Variants in R3HDM2 observed in about 807,000 individuals in gnomAD.
The protein encoded by R3HDM2 is R3H domain-containing protein 2.
In R3HDM2, 38 loss-of-function variants were observed where a neutral mutation model predicts 124.5. The ratio of observed to expected loss-of-function variants is 0.31; its 90% confidence interval spans 0.24 to 0.40. The LOEUF is 0.40. Among genes scored for constraint, R3HDM2 ranks in the 10% least tolerant of loss-of-function variants. The pLI, the probability that R3HDM2 is intolerant of heterozygous loss-of-function variation, is 1.00. For missense variants in R3HDM2, 869 were observed against 1,236.9 expected, an observed-to-expected ratio of 0.70 and a Z score of 4.46; for synonymous variants, 391 against 448.0, an observed-to-expected ratio of 0.87 and a Z score of 1.61.
At chr12:57,397,396 A>T in intron 1 of R3HDM2, among the ~76,000 whole-genome samples, 1 of 152,206 alleles carries the variant, frequency 6.6e-6, no homozygotes, top group East Asian at 1.9e-4. Flanking sequence ...GTTCTATGCT[A>T]AAGTGAGAAT....
chr12:57,427,879 G>A (rs2139724192), intron 1 of R3HDM2, among the ~76,000 whole-genome samples: 1 of 152,076 alleles, frequency 6.6e-6, no homozygotes, highest in South Asian at 2.1e-4. Context: ...ACTTTGGGAG[G>A]TGGAGGTGGG....
At chr12:57,376,726 G>C (rs934321922) in intron 2 of R3HDM2, among the ~76,000 whole-genome samples, 8 of 152,040 alleles carry the variant, frequency 5.3e-5, no homozygotes, top group African/African-American at 9.7e-5. Flanking sequence ...GAGGCAGGCG[G>C]ATCACCTGAG....
chr12:57,284,054 C>T lies in R3HDM2; in HGVS notation c.941G>A (p.Gly314Glu). 1.3e-6 allele frequency: 2 copies of T among 1,592,416 alleles called. No homozygotes were observed. The highest frequency in any genetic ancestry group is 1.7e-6 in the Non-Finnish European group (2 of 1,169,642). ...GQNGYLNDIRGNREGLSRTSS... is the reference protein window; with the variant it reads ...GQNGYLNDIRENREGLSRTSS... ...GGTGCGGCTCAGTCCTTCACGGTTC[C>T]CCCTGCAGAGACCATAGTGGTCAGA... The change falls in exon 13 of 24, where the codon GGG becomes GAG. Residue 314 changes from glycine to glutamate, a missense_variant and splice_region_variant. By Grantham distance (98) the Gly-to-Glu change is moderately conservative. Coordinates refer to ENST00000402412, the MANE Select transcript of R3HDM2 (RefSeq NM_001394031.1).
At chr12:57,292,475 A>C (rs1011394009) in intron 11 of R3HDM2, 97 bp downstream of exon 11, 11 of 852,038 alleles carry the variant, frequency 1.3e-5, no homozygotes, top group African/African-American at 5.1e-5. Context: ...ACAAACAAAC[A>C]AACCCAAAAA....
intron 2 of R3HDM2, among the ~76,000 whole-genome samples, chr12:57,337,643 T>G (rs1593503840): frequency 6.6e-6 from 1 of 152,134 alleles, no homozygotes. Context: ...CCCGAAACAT[T>G]GCACTCTAGT....
chr12:57,317,605 T>A (rs1383464909), intron 2 of R3HDM2, among the ~76,000 whole-genome samples: 1 of 149,384 alleles, frequency 6.7e-6, no homozygotes, highest in Non-Finnish European at 1.5e-5. Context: ...TGAGTTGAGT[T>A]TATTATGTCA....
At chr12:57,265,880 T>G (rs1289241543) in intron 19 of R3HDM2, among the ~76,000 whole-genome samples, 1 of 148,078 alleles carries the variant, frequency 6.8e-6, no homozygotes, top group Non-Finnish European at 1.5e-5. Flanking sequence ...CACTGCAAGC[T>G]CCGTCTCCCG....
chr12:57,382,751 G>A (rs1214232970), intron 2 of R3HDM2, among the ~76,000 whole-genome samples: 1 of 151,766 alleles, frequency 6.6e-6, no homozygotes, highest in Non-Finnish European at 1.5e-5. Context: ...CAGGAGAATG[G>A]CTTGAACCCA....
intron 14 of R3HDM2, among the ~76,000 whole-genome samples, chr12:57,278,868 T>C (rs1414279833): frequency 6.6e-6 from 1 of 152,190 alleles, no homozygotes; most frequent in African/African-American, 2.4e-5. Context: ...AGGGCAATAC[T>C]GGGCCATTCT....
At chr12:57,413,852 T>A (rs2069263224) in intron 1 of R3HDM2, among the ~76,000 whole-genome samples, 1 of 148,314 alleles carries the variant, frequency 6.7e-6, no homozygotes. Context: ...CCCCCCTTTT[T>A]TTTTTTTTTT....
rs372537572 is a variant in R3HDM2 at position 57,358,198 on chromosome 12, G to A, written c.-36+37551C>T. 2.6e-5 allele frequency among the ~76,000 whole-genome samples: 4 copies of A among 151,200 alleles called. No homozygotes were observed. The South Asian group carries it at 6.3e-4, about 24-fold the overall frequency. On this transcript the variant is annotated intron_variant, in intron 2 of 23. Coordinates refer to ENST00000402412, the MANE Select transcript of R3HDM2 (RefSeq NM_001394031.1). Reference sequence around the variant, plus strand: ...TATGGGGTTTTGCCATGCTGGCCACGCTGGTCTTTAACTCCCAATCTCAAG... The same window carrying A: ...TATGGGGTTTTGCCATGCTGGCCACACTGGTCTTTAACTCCCAATCTCAAG...
chr12:57,385,154 A>C (rs1435339799), intron 2 of R3HDM2, among the ~76,000 whole-genome samples: 1 of 151,566 alleles, frequency 6.6e-6, no homozygotes, highest in Non-Finnish European at 1.5e-5. Flanking sequence ...ACTCCATCTC[A>C]AACAAACAAA....
intron 14 of R3HDM2, among the ~76,000 whole-genome samples, chr12:57,277,716 G>A (rs2045179654): frequency 6.6e-6 from 1 of 152,162 alleles, no homozygotes; most frequent in African/African-American, 2.4e-5. Context: ...CCAAAGTGCT[G>A]GGATTACAGG....
intron 2 of R3HDM2, among the ~76,000 whole-genome samples, chr12:57,316,435 ATTT>A (rs1226785586): frequency 2.6e-5 from 4 of 151,680 alleles, no homozygotes; most frequent in Non-Finnish European, 5.9e-5. Context: ...AAGGTTTCCT[ATTT>A]TATTTAAAAT....
intron 1 of R3HDM2, among the ~76,000 whole-genome samples, chr12:57,399,642 C>G (rs1449577399): frequency 1.3e-5 from 2 of 152,158 alleles, no homozygotes; most frequent in Non-Finnish European, 2.9e-5. Flanking sequence ...CTTGGAGAAG[C>G]AGCATAGCCT....
intron 2 of R3HDM2, among the ~76,000 whole-genome samples, chr12:57,369,039 G>A (rs1001906086): frequency 1.3e-5 from 2 of 152,090 alleles, no homozygotes; most frequent in African/African-American, 4.8e-5. Context: ...TAATATAGAA[G>A]GATTAGGCAA....
At chr12:57,378,879 C>G (rs192754667) in intron 2 of R3HDM2, among the ~76,000 whole-genome samples, 1 of 152,260 alleles carries the variant, frequency 6.6e-6, no homozygotes, top group East Asian at 1.9e-4. Context: ...ATACATGCAA[C>G]AGAATAATAT....
rs568476938 is a variant in R3HDM2, at chr12:57,387,661, G to A, written c.-36+8088C>T. On this transcript the variant is annotated intron_variant, in intron 2 of 23. Coordinates refer to ENST00000402412, the MANE Select transcript of R3HDM2 (RefSeq NM_001394031.1). ...TGTTAAGGGGTTCTGATACCAGAAA[G>A]TTTGAGAACCACTGAGTGAATAATA... Among the ~76,000 whole-genome samples the A allele has an allele frequency of 2.6e-5, 4 of 152,322 alleles. No individual in the cohort carries two copies. In the South Asian group the frequency reaches 6.2e-4, roughly 24 times the overall value.
At position 57,254,464 on chromosome 12, in the gene R3HDM2, G is replaced by A. The variant is rs745945648; in HGVS notation, c.*309C>T. On this transcript the variant is annotated 3_prime_UTR_variant, in exon 24 of 24. Coordinates refer to ENST00000402412, the MANE Select transcript of R3HDM2 (RefSeq NM_001394031.1). Reference sequence around the variant, plus strand: ...TGCAGTTAGCCAAGATCGTGCTACTGCACTCCAGCTGGGGTGACAAGAGCG... The same window carrying A: ...TGCAGTTAGCCAAGATCGTGCTACTACACTCCAGCTGGGGTGACAAGAGCG... The A allele has an allele frequency of 2.7e-4, 82 of 307,944 alleles. No individual in the cohort carries two copies. Among genetic ancestry groups the A allele is most frequent in the Non-Finnish European group, 4.4e-4 (75 of 170,076 alleles). 19.1% of individuals were successfully genotyped at this position (307,944 alleles called of 1,614,324 possible).
Sources: gnomAD v4.1 joint callset for allele counts (sites outside exome capture counted in the v4.1 genomes callset) on GRCh38, gnomAD v4.1.1 for gene constraint, MANE v1.5 for transcripts, NCBI Gene and HGNC (gene_info 2026-07-23, HGNC 2026-07-21) for gene names.